Variants in FRMD4A observed in about 807,000 individuals in gnomAD.
FRMD4A encodes FERM domain containing 4A.
A neutral mutation model predicts 129.1 loss-of-function variants in FRMD4A; 29 were observed. The ratio of observed to expected loss-of-function variants is 0.22; its 90% CI spans 0.17 to 0.31. FRMD4A has a LOEUF of 0.31. FRMD4A is among the 10% of genes least tolerant of loss of function. The probability of loss-of-function intolerance (pLI) is 1.00; values close to 1 mark genes in which losing one functional copy is unlikely to be tolerated. For missense variants in FRMD4A, 1,272 were observed against 1,375.8 expected (o/e 0.92, Z 1.19); for synonymous variants, 634 against 571.6 (o/e 1.11, Z -1.56).
intron 13 of FRMD4A, among the ~76,000 whole-genome samples, chr10:13,702,319 C>T (rs927451266): frequency 6.6e-6 from 1 of 152,188 alleles, no homozygotes; most frequent in African/African-American, 2.4e-5. Context: ...CTGCCTCGGC[C>T]TCCCAAAGTG....
chr10:14,048,830 TAGAATAGAATAGAA>T, intron 2 of FRMD4A, among the ~76,000 whole-genome samples: 1 of 3,038 alleles, frequency 3.3e-4, no homozygotes, highest in East Asian at 2.3e-3. Flanking sequence ...TAGATTAGAA[TAGAATAGAATAGAA>T]TAGAATAGAA....
In FRMD4A at chr10:14,309,355, C is replaced by T. The variant is rs940025733; in HGVS notation, c.45+20703G>A. 2.6e-5 allele frequency among the ~76,000 whole-genome samples: 4 copies of T among 152,160 alleles called. No individual in the cohort carries two copies. The South Asian group carries it at 6.2e-4, about 24-fold the overall frequency. ...ATCCCAGCTACTCAGGTGGCTGAGG[C>T]GGGACAATCGCTTGAGCCAAGGAGG... On this transcript the variant is annotated intron_variant, in intron 2 of 24. Coordinates refer to ENST00000357447, the MANE Select transcript of FRMD4A (RefSeq NM_018027.5).
At chr10:13,872,001 C>T (rs540160101) in intron 2 of FRMD4A, among the ~76,000 whole-genome samples, 5 of 152,258 alleles carry the variant, frequency 3.3e-5, no homozygotes, top group African/African-American at 9.6e-5. Flanking sequence ...ACTTCACCAA[C>T]GTGGCCTCCT....
intron 8 of FRMD4A, among the ~76,000 whole-genome samples, chr10:13,757,621 C>T (rs2091917290): frequency 6.6e-6 from 1 of 152,202 alleles, no homozygotes; most frequent in Admixed American, 6.5e-5. Context: ...ATCTGCTGAG[C>T]AAAACAGAGA....
rs71388168 is a variant in FRMD4A at position 14,241,683 on chromosome 10, TAAAAAAAAAAAAAAAAAA to T, written c.45+88357_45+88374del. 1.6e-3 allele frequency among the ~76,000 whole-genome samples: 38 copies of T among 23,414 alleles called. 1 individual carries two copies. The highest frequency in any genetic ancestry group is 2.8e-3 in the Admixed American group (4 of 1,426). 15.4% of individuals were successfully genotyped at this position (23,414 alleles called of 152,430 possible). A position where few individuals can be genotyped will look rare whatever the true frequency, so the allele number is the denominator to read the frequency against. On this transcript the variant is annotated intron_variant, in intron 2 of 24. Coordinates refer to ENST00000357447, the MANE Select transcript of FRMD4A (RefSeq NM_018027.5). Reference sequence around the variant, plus strand: ...GGAGAGGGATTTGTTTTACCCTCCCTAAAAAAAAAAAAAAAAAAAAAAAAAAAAAAAAAAAAAAGAGCC... The same window carrying T: ...GGAGAGGGATTTGTTTTACCCTCCCTAAAAAAAAAAAAAAAAAAAAGAGCC...
At chr10:13,884,208 TCACACACACACACACACACACACACA>T (rs747364370) in intron 2 of FRMD4A, among the ~76,000 whole-genome samples, 2 of 81,696 alleles carry the variant, frequency 2.4e-5, no homozygotes, top group Admixed American at 1.2e-4. Context: ...ACACACACAC[TCACACACACACACACACACACACACA>T]CACACACTCC....
intron 2 of FRMD4A, among the ~76,000 whole-genome samples, chr10:14,300,410 G>A: frequency 6.6e-6 from 1 of 152,094 alleles, no homozygotes; most frequent in South Asian, 2.1e-4. Context: ...TAGACAGTCT[G>A]CAATTTTTAA....
intron 2 of FRMD4A, among the ~76,000 whole-genome samples, chr10:14,090,327 A>G (rs1836588392): frequency 6.6e-6 from 1 of 152,214 alleles, no homozygotes; most frequent in Non-Finnish European, 1.5e-5. Flanking sequence ...GGACTTGGAA[A>G]CAGGAAGAGA....
intron 2 of FRMD4A, among the ~76,000 whole-genome samples, chr10:13,991,165 G>A (rs945141334): frequency 2.0e-5 from 3 of 152,010 alleles, no homozygotes; most frequent in Admixed American, 6.6e-5. Flanking sequence ...TGTTATTTGT[G>A]TATCTGATAG....
rs185865170 is a variant in FRMD4A, at chr10:14,161,090, G to A, written c.45+168968C>T. Among the ~76,000 whole-genome samples the A allele has an allele frequency of 9.8e-4, 150 of 152,290 alleles. 1 individual carries two copies. Among genetic ancestry groups the A allele is most frequent in the Admixed American group, 8.2e-3 (125 of 15,292 alleles). ...CTGCCTCAGCCCCCCGAGTCGCTGG[G>A]ATTACAGGCACCTGCCACCACACCT... is the stretch of plus-strand genomic sequence containing the variant. On this transcript the variant is annotated intron_variant, in intron 2 of 24. Coordinates refer to ENST00000357447, the MANE Select transcript of FRMD4A (RefSeq NM_018027.5).
At chr10:13,867,817 A>G (rs923402101) in intron 2 of FRMD4A, among the ~76,000 whole-genome samples, 3 of 137,204 alleles carry the variant, frequency 2.2e-5, no homozygotes, top group African/African-American at 8.1e-5. Flanking sequence ...ATAATACATA[A>G]TATAATATAT....
intron 15 of FRMD4A, among the ~76,000 whole-genome samples, chr10:13,678,676 T>A (rs1188582041): frequency 6.6e-6 from 1 of 152,236 alleles, no homozygotes; most frequent in Non-Finnish European, 1.5e-5. Context: ...TGTTGCTCAA[T>A]GAAGTATCGG....
chr10:13,932,010 T>C (rs1301527036), intron 2 of FRMD4A, among the ~76,000 whole-genome samples: 3 of 152,014 alleles, frequency 2.0e-5, no homozygotes, highest in Non-Finnish European at 2.9e-5. Context: ...TCTACACAAT[T>C]AATTAGAAAC....
chr10:13,707,435 C>A, intron 12 of FRMD4A: 3 of 1,056,642 alleles, frequency 2.8e-6, no homozygotes, highest in Non-Finnish European at 2.3e-6. Context: ...CAGACTTTTC[C>A]CTTCCAGGAG....
At chr10:13,673,999 C>T (rs1245621817) in intron 16 of FRMD4A, among the ~76,000 whole-genome samples, 1 of 152,064 alleles carries the variant, frequency 6.6e-6, no homozygotes, top group African/African-American at 2.4e-5. Flanking sequence ...AACCCCTGGT[C>T]TCCAGTGATC....
chr10:14,214,941 A>G (rs1252068929), intron 2 of FRMD4A, among the ~76,000 whole-genome samples: 3 of 152,248 alleles, frequency 2.0e-5, no homozygotes, highest in Non-Finnish European at 2.9e-5. Context: ...TAAATCTAAC[A>G]GGCTTGGGCC....
chr10:13,792,232 A>C (rs1285079078), intron 5 of FRMD4A, among the ~76,000 whole-genome samples: 2 of 152,208 alleles, frequency 1.3e-5, no homozygotes, highest in South Asian at 2.1e-4. Context: ...TCTTTGCAGG[A>C]GGATGCTGGT....
intron 2 of FRMD4A, among the ~76,000 whole-genome samples, chr10:13,873,270 G>GAAAAA (rs35088324): frequency 7.0e-6 from 1 of 142,056 alleles, no homozygotes; most frequent in African/African-American, 2.6e-5. Flanking sequence ...AGATAAGGCT[G>GAAAAA]AAAAAAAAAA....
Position 14,233,667 on chromosome 10 carries a change from G to C in FRMD4A, c.45+96391C>G, listed in dbSNP as rs573877133. ...TTGGAAATGCACAAGAATCAGAACA[G>C]ACTGGAAAATAATAAAAACAGGCAC... On this transcript the variant is annotated intron_variant, in intron 2 of 24. Transcript: ENST00000357447. Among the ~76,000 whole-genome samples the C allele has an allele frequency of 2.6e-5, 4 of 152,328 alleles. No individual in the cohort carries two copies. The South Asian group carries it at 8.3e-4, about 32-fold the overall frequency.
Sources: allele counts gnomAD v4.1 joint callset (sites outside exome capture counted in the v4.1 genomes callset), GRCh38; gene constraint gnomAD v4.1.1; transcripts MANE v1.5; gene names NCBI Gene and HGNC (gene_info 2026-07-23, HGNC 2026-07-21).